FANCB: variants seen among roughly 807,000 people sequenced by gnomAD.
FANCB encodes the protein Fanconi anemia group B protein.
Under a neutral mutation model 38.9 loss-of-function variants are expected in FANCB, and 5 were observed. That is an observed-to-expected ratio of 0.13 (90% CI 0.07 to 0.27). The LOEUF (loss-of-function observed/expected upper bound fraction) is 0.27. FANCB is among the 10% of genes least tolerant of loss of function. The probability of loss-of-function intolerance (pLI) is 1.00; values close to 1 mark genes in which losing one functional copy is unlikely to be tolerated. For missense variants in FANCB, 573 were observed against 602.7 expected (o/e 0.95, Z 0.52); for synonymous variants, 236 against 215.4 (o/e 1.10, Z -0.84).
chrX:14,714,843 G>A, the FANCB span, among the ~76,000 whole-genome samples: 1 of 111,928 alleles, frequency 8.9e-6, no homozygotes, highest in South Asian at 3.7e-4. Flanking sequence ...ACTTAAAAAC[G>A]GATGTTTGGT....
At chrX:14,816,685 C>T in the FANCB span, among the ~76,000 whole-genome samples, 1 of 112,332 alleles carries the variant, frequency 8.9e-6, no homozygotes, top group South Asian at 3.7e-4. Context: ...CAGACATTAT[C>T]AAATGCTCCT....
chrX:14,849,804 A>T lies in FANCB; in HGVS notation c.1496+701T>A, dbSNP rs948897958. ...TCATAAACCTCATCCTCTTCATATT[A>T]TTAACTCAATGCATTTGTGTAAAAG... On this transcript the variant is annotated intron_variant, in intron 7 of 9. Transcript: ENST00000650831. Among the ~76,000 whole-genome samples, 7 of 111,510 alleles carry T rather than the reference A, an allele frequency of 6.3e-5. No homozygotes were observed. In the East Asian group the frequency reaches 2.0e-3, roughly 31 times the overall value.
At chrX:14,737,062 C>G in the FANCB span, among the ~76,000 whole-genome samples, 1 of 110,803 alleles carries the variant, frequency 9.0e-6, no homozygotes, top group Non-Finnish European at 1.9e-5. Context: ...GAGGCTGAGG[C>G]GAGAGAATTG....
the FANCB span, among the ~76,000 whole-genome samples, chrX:14,777,581 G>C: frequency 8.9e-6 from 1 of 111,978 alleles, no homozygotes; most frequent in South Asian, 3.7e-4. Flanking sequence ...CTTTGACAAG[G>C]ATGACTGAAA....
the FANCB span, among the ~76,000 whole-genome samples, chrX:14,756,354 G>A: frequency 1.8e-5 from 2 of 112,012 alleles, no homozygotes; most frequent in Non-Finnish European, 3.8e-5. Flanking sequence ...CATCTCCACA[G>A]CAAAGATAAT....
the FANCB span, among the ~76,000 whole-genome samples, chrX:14,715,142 T>G: frequency 8.9e-6 from 1 of 112,429 alleles, no homozygotes; most frequent in African/African-American, 3.2e-5. Context: ...AGTATGCACT[T>G]TCTTTTAAGA....
the FANCB span, among the ~76,000 whole-genome samples, chrX:14,748,858 C>T: frequency 1.4e-4 from 16 of 111,819 alleles, no homozygotes; most frequent in Non-Finnish European, 1.9e-4. Context: ...CATTTTAGAA[C>T]GAAGGGCTCC....
the FANCB span, among the ~76,000 whole-genome samples, chrX:14,822,326 G>T: frequency 9.1e-6 from 1 of 109,997 alleles, no homozygotes; most frequent in Admixed American, 9.8e-5. Flanking sequence ...TGCCATGGGG[G>T]AAAATGGAAC....
the FANCB span, among the ~76,000 whole-genome samples, chrX:14,781,759 T>C: frequency 8.9e-6 from 1 of 112,450 alleles, no homozygotes; most frequent in African/African-American, 3.2e-5. Context: ...AAGTGTTTGC[T>C]ACAGAGGGTA....
At chrX:14,717,582 GTTTAT>G in the FANCB span, among the ~76,000 whole-genome samples, 3 of 110,900 alleles carry the variant, frequency 2.7e-5, no homozygotes, top group Non-Finnish European at 3.8e-5. Flanking sequence ...TCTTTCTTAA[GTTTAT>G]TTTGTCATAG....
At chrX:14,695,291 G>T in the FANCB span, among the ~76,000 whole-genome samples, 949 of 111,555 alleles carry the variant, frequency 8.5e-3, 22 homozygotes, top group Admixed American at 0.084. Context: ...TACTGTGCAG[G>T]GGAACATAGA....
the FANCB span, among the ~76,000 whole-genome samples, chrX:14,706,923 C>A: frequency 4.5e-5 from 5 of 112,120 alleles, no homozygotes; most frequent in African/African-American, 1.6e-4. Context: ...TGCTGAATGT[C>A]GTACAGCCAA....
chrX:14,809,397 G>A, the FANCB span, among the ~76,000 whole-genome samples: 491 of 112,613 alleles, frequency 4.4e-3, 6 homozygotes, highest in African/African-American at 0.014. Context: ...CTCGGGCAGC[G>A]CAAGGGGTCA....
At chrX:14,706,299 A>T in the FANCB span, among the ~76,000 whole-genome samples, 1 of 112,076 alleles carries the variant, frequency 8.9e-6, no homozygotes, top group Admixed American at 9.5e-5. Context: ...ATTCACTAGC[A>T]CATTAAAGCT....
intron 7 of FANCB, among the ~76,000 whole-genome samples, chrX:14,849,757 G>A (rs753204427): frequency 8.1e-5 from 9 of 111,539 alleles, no homozygotes; most frequent in South Asian, 7.4e-4. Context: ...TATCTTCACC[G>A]TGAGACTATA....
At chrX:14,816,653 T>C in the FANCB span, among the ~76,000 whole-genome samples, 1 of 112,093 alleles carries the variant, frequency 8.9e-6, no homozygotes, top group Admixed American at 9.5e-5. Context: ...TCCACTCCAG[T>C]TGTGAAAAGC....
At chrX:14,872,871 G>C (rs1416327477) in intron 1 of FANCB, 115 bp downstream of exon 1, 1 of 113,651 alleles carries the variant, frequency 8.8e-6, no homozygotes, top group Non-Finnish European at 1.9e-5. Flanking sequence ...CCCAGGTCTC[G>C]GGATGCCCGC....
At chrX:14,831,361 T>C (rs922557193), downstream of FANCB, among the ~76,000 whole-genome samples, 1 of 112,397 alleles carries the variant, frequency 8.9e-6, no homozygotes. Context: ...GTTAACTATA[T>C]GACCTGTCTA....
the FANCB span, among the ~76,000 whole-genome samples, chrX:14,797,575 A>G: frequency 0.044 from 4,804 of 108,873 alleles, 256 homozygotes; most frequent in African/African-American, 0.15. Context: ...CCAGCTACTC[A>G]GGAGGCTGAG....
Sources: gnomAD v4.1 joint callset for allele counts (sites outside exome capture counted in the v4.1 genomes callset) on GRCh38, gnomAD v4.1.1 for gene constraint, MANE v1.5 for transcripts, NCBI Gene and HGNC (gene_info 2026-07-23, HGNC 2026-07-21) for gene names.